ERBB4: variants seen among roughly 807,000 people sequenced by gnomAD.
ERBB4 encodes the protein receptor tyrosine-protein kinase erbB-4.
In ERBB4, 42 loss-of-function variants were observed where a neutral mutation model predicts 158.0. That is an observed-to-expected ratio of 0.27 (90% CI 0.21 to 0.34). The LOEUF (loss-of-function observed/expected upper bound fraction) is 0.34, where lower values mean the gene tolerates loss of function less well. Ranked by LOEUF, ERBB4 falls within the 10% of genes least tolerant of loss-of-function variation. The pLI is 1.00. For synonymous variants in ERBB4, 583 were observed against 558.7 expected (o/e 1.04, Z -0.61); for missense variants, 1,333 against 1,624.1 (o/e 0.82, Z 3.08).
At chr2:212,334,489 G>A (rs971069447) in intron 1 of ERBB4, among the ~76,000 whole-genome samples, 2 of 151,938 alleles carry the variant, frequency 1.3e-5, no homozygotes, top group African/African-American at 4.8e-5. Flanking sequence ...TATAATTTCT[G>A]TTCCTATAGT....
chr2:212,381,030 A>G (rs1398334268), intron 1 of ERBB4, among the ~76,000 whole-genome samples: 1 of 151,380 alleles, frequency 6.6e-6, no homozygotes, highest in Non-Finnish European at 1.5e-5. Flanking sequence ...CATAATTTAG[A>G]AAACAATAGT....
At chr2:212,348,545 C>T (rs2032156552) in intron 1 of ERBB4, among the ~76,000 whole-genome samples, 1 of 152,152 alleles carries the variant, frequency 6.6e-6, no homozygotes, top group South Asian at 2.1e-4. Flanking sequence ...CACATCGTCA[C>T]ATTCTGAGAA....
intron 1 of ERBB4, among the ~76,000 whole-genome samples, chr2:212,143,418 T>G (rs2080551269): frequency 6.6e-6 from 1 of 152,154 alleles, no homozygotes; most frequent in African/African-American, 2.4e-5. Flanking sequence ...AAGAGATGGT[T>G]ATAAGAGCCA....
chr2:212,336,836 A>G (rs2088465106), intron 1 of ERBB4, among the ~76,000 whole-genome samples: 1 of 7,850 alleles, frequency 1.3e-4, no homozygotes, highest in African/African-American at 3.2e-4. Flanking sequence ...TTGTAAAGCA[A>G]TGTCTCCAAG....
intron 3 of ERBB4, among the ~76,000 whole-genome samples, chr2:211,896,427 A>G (rs4292044): frequency 0.055 from 8,418 of 152,192 alleles, 319 homozygotes; most frequent in Non-Finnish European, 0.084. Context: ...TTTTCCCTGT[A>G]AAGTAGAGCC....
intron 1 of ERBB4, among the ~76,000 whole-genome samples, chr2:212,508,293 A>T (rs983453780): frequency 6.6e-6 from 1 of 152,172 alleles, no homozygotes; most frequent in African/African-American, 2.4e-5. Flanking sequence ...CTGAAACTGA[A>T]TCTGCAATAT....
chr2:212,165,175 CA>C (rs1037482386), intron 1 of ERBB4, among the ~76,000 whole-genome samples: 4 of 152,006 alleles, frequency 2.6e-5, no homozygotes, highest in Admixed American at 1.3e-4. Flanking sequence ...GTCAGGTAAT[CA>C]GCTAGGATTA....
Position 211,383,166 on chromosome 2 carries a change from T to G in ERBB4, c.*449A>C. On this transcript the variant is annotated 3_prime_UTR_variant, in exon 28 of 28. Coordinates refer to ENST00000342788, the MANE Select transcript of ERBB4 (RefSeq NM_005235.3). ...TTCTAATGGAAACTTTATTATGATT[T>G]CCAGGGATGCTAAATATGCACACAT... 8.4e-6 allele frequency: 2 copies of G among 238,456 alleles called. No individual in the cohort carries two copies. Among genetic ancestry groups the G allele is most frequent in the South Asian group, 3.2e-4 (2 of 6,232 alleles). The allele number at this position is 238,456 out of a possible 1,614,324, so 14.8% of individuals were successfully genotyped here.
rs2072734469 is a variant in ERBB4 at position 211,689,953 on chromosome 2, AT to A, written c.1490-10770del. ...ATCACTTTTGTTTTCTTTTTTTAAT[AT>A]GTTTTATCAAGTTCTATCTCAGGCC... On this transcript the variant is annotated intron_variant, in intron 12 of 27. Coordinates refer to ENST00000342788, the MANE Select transcript of ERBB4 (RefSeq NM_005235.3). 4.0e-5 allele frequency among the ~76,000 whole-genome samples: 6 copies of A among 151,006 alleles called. No individual in the cohort carries two copies. In the South Asian group the frequency reaches 1.3e-3, roughly 31 times the overall value.
chr2:212,016,484 T>C (rs1559324234), intron 2 of ERBB4, among the ~76,000 whole-genome samples: 3 of 151,746 alleles, frequency 2.0e-5, no homozygotes, highest in East Asian at 3.8e-4. Flanking sequence ...TTTAAATTTA[T>C]AAAAAATCTA....
intron 1 of ERBB4, among the ~76,000 whole-genome samples, chr2:212,442,944 G>A (rs2092284079): frequency 6.6e-6 from 1 of 152,208 alleles, no homozygotes; most frequent in South Asian, 2.1e-4. Context: ...GAAGACAGAT[G>A]GATCTTGGAG....
At chr2:211,458,299 G>A (rs188224947) in intron 20 of ERBB4, among the ~76,000 whole-genome samples, 2 of 150,026 alleles carry the variant, frequency 1.3e-5, no homozygotes, top group Non-Finnish European at 3.0e-5. Context: ...ACAATGTCTT[G>A]CTCTGTCACC....
At chr2:211,905,740 G>GTATATATATA (rs1347742717) in intron 3 of ERBB4, among the ~76,000 whole-genome samples, 23 of 95,952 alleles carry the variant, frequency 2.4e-4, no homozygotes, top group African/African-American at 7.1e-4. Context: ...GTGTGCATGT[G>GTATATATATA]TGTGTATATA....
Position 212,538,700 on chromosome 2 carries a change from G to GCGGGTC in ERBB4, c.-176_-171dup, listed in dbSNP as rs1693253815. 1 of 474,182 alleles carries GCGGGTC rather than the reference G, an allele frequency of 2.1e-6. No homozygotes were observed. Among genetic ancestry groups the GCGGGTC allele is most frequent in the African/African-American group, 2.1e-5 (1 of 48,280 alleles). The allele number at this position is 474,182 out of a possible 1,614,324, so 29.4% of individuals were successfully genotyped here. ...AGGGCGGGCGACCGAGTCCGCGCCC[G>GCGGGTC]CGGGTCCAGGGCCGGGGCCCGAGGA... On this transcript the variant is annotated 5_prime_UTR_variant, in exon 1 of 28. Transcript: ENST00000342788.
At chr2:211,577,967 C>A (rs1044414230) in intron 19 of ERBB4, among the ~76,000 whole-genome samples, 1 of 152,122 alleles carries the variant, frequency 6.6e-6, no homozygotes, top group Non-Finnish European at 1.5e-5. Context: ...CCAGGGCAAT[C>A]AGGCAAGAGA....
intron 1 of ERBB4, among the ~76,000 whole-genome samples, chr2:212,500,566 C>A (rs1690833608): frequency 6.6e-6 from 1 of 151,852 alleles, no homozygotes; most frequent in South Asian, 2.1e-4. Context: ...CAATAAGGAA[C>A]TGTATTCTAG....
chr2:212,509,989 T>C (rs1691418237), intron 1 of ERBB4, among the ~76,000 whole-genome samples: 1 of 151,712 alleles, frequency 6.6e-6, no homozygotes, highest in African/African-American at 2.4e-5. Context: ...GCACGTAGCA[T>C]GTATTTATCA....
chr2:211,681,992 G>T (rs34678713), intron 12 of ERBB4, among the ~76,000 whole-genome samples: 60,270 of 149,360 alleles, frequency 0.4, 13,584 homozygotes, highest in East Asian at 0.9. Flanking sequence ...TGCACATATG[G>T]TACTGTATTA....
chr2:211,520,896 T>C (rs982360828), intron 20 of ERBB4, among the ~76,000 whole-genome samples: 2 of 152,162 alleles, frequency 1.3e-5, no homozygotes, highest in African/African-American at 4.8e-5. Context: ...TTTAGTTGTT[T>C]TGGAGCATCA....
Sources: gnomAD v4.1 joint callset for allele counts (sites outside exome capture counted in the v4.1 genomes callset) on GRCh38, gnomAD v4.1.1 for gene constraint, MANE v1.5 for transcripts, NCBI Gene and HGNC (gene_info 2026-07-23, HGNC 2026-07-21) for gene names.